ROBO2: variants seen among roughly 807,000 people sequenced by gnomAD.
ROBO2 encodes the protein roundabout homolog 2.
A neutral mutation model predicts 160.8 loss-of-function variants in ROBO2; 53 were observed. The observed-to-expected ratio is 0.33, with a 90% CI of 0.26 to 0.41. The LOEUF is 0.41. Ranked by LOEUF, ROBO2 falls within the 10% of genes least tolerant of loss-of-function variation. The pLI is 1.00. For missense variants in ROBO2, 1,577 were observed against 1,722.4 expected, an observed-to-expected ratio of 0.92 and a Z score of 1.49; for synonymous variants, 664 against 611.7, an observed-to-expected ratio of 1.09 and a Z score of -1.26.
chr3:76,248,638 T>C (rs1030154183), intron 2 of ROBO2, among the ~76,000 whole-genome samples: 1 of 144,500 alleles, frequency 6.9e-6, no homozygotes, highest in East Asian at 2.1e-4. Flanking sequence ...ACTTGAAGTA[T>C]AATAATAAAA....
intron 2 of ROBO2, among the ~76,000 whole-genome samples, chr3:76,285,831 C>A (rs963547053): frequency 6.6e-6 from 1 of 152,190 alleles, no homozygotes; most frequent in East Asian, 1.9e-4. Context: ...TCTCTATTTT[C>A]TTATTTCTTG....
At chr3:76,986,717 T>C (rs1419136027) in intron 2 of ROBO2, among the ~76,000 whole-genome samples, 1 of 152,184 alleles carries the variant, frequency 6.6e-6, no homozygotes, top group Admixed American at 6.5e-5. Context: ...TAGAAAAATA[T>C]GAAATAAAGT....
intron 2 of ROBO2, among the ~76,000 whole-genome samples, chr3:76,282,317 A>G (rs931065654): frequency 2.6e-5 from 4 of 151,986 alleles, no homozygotes; most frequent in African/African-American, 9.7e-5. Context: ...AATCATGGAG[A>G]TACAAATGAG....
At chr3:76,303,625 CAA>C (rs2071180269) in intron 2 of ROBO2, among the ~76,000 whole-genome samples, 1 of 151,796 alleles carries the variant, frequency 6.6e-6, no homozygotes, top group Non-Finnish European at 1.5e-5. Flanking sequence ...AAAGAGGGAG[CAA>C]AATATTAAAC....
chr3:76,926,508 A>G (rs1414486207), intron 2 of ROBO2, among the ~76,000 whole-genome samples: 2 of 152,176 alleles, frequency 1.3e-5, no homozygotes, highest in Non-Finnish European at 2.9e-5. Context: ...GTGGAAGTAT[A>G]TCGTCTCCTG....
intron 2 of ROBO2, among the ~76,000 whole-genome samples, chr3:76,768,186 T>C (rs1221369171): frequency 6.6e-6 from 1 of 151,474 alleles, no homozygotes; most frequent in African/African-American, 2.4e-5. Context: ...AATTTAACCT[T>C]AGTAATTTAA....
chr3:77,189,216 C>G (rs1223877225), intron 2 of ROBO2, among the ~76,000 whole-genome samples: 1 of 151,672 alleles, frequency 6.6e-6, no homozygotes, highest in African/African-American at 2.4e-5. Context: ...GATTATTGTA[C>G]TACTTTGTTT....
At chr3:77,634,347 G>T (rs1448453194) in intron 23 of ROBO2, 1 of 166,120 alleles carries the variant, frequency 6.0e-6, no homozygotes, top group East Asian at 1.6e-4. Flanking sequence ...AAGTGGTAAG[G>T]TCAATTTAAT....
chr3:76,169,927 C>T (rs979375761), intron 2 of ROBO2, among the ~76,000 whole-genome samples: 1 of 151,956 alleles, frequency 6.6e-6, no homozygotes, highest in Admixed American at 6.6e-5. Flanking sequence ...ACTACAGGCG[C>T]CCGCCACCAT....
intron 2 of ROBO2, among the ~76,000 whole-genome samples, chr3:77,450,975 C>G (rs1338240733): frequency 1.3e-5 from 2 of 152,056 alleles, no homozygotes; most frequent in Non-Finnish European, 1.5e-5. Context: ...AAAGCATGTT[C>G]CAAACACCCT....
intron 2 of ROBO2, among the ~76,000 whole-genome samples, chr3:76,483,250 T>C (rs1253353887): frequency 6.6e-6 from 1 of 152,232 alleles, no homozygotes; most frequent in African/African-American, 2.4e-5. Context: ...ATAACTCTTA[T>C]TACATTTGTA....
intron 2 of ROBO2, among the ~76,000 whole-genome samples, chr3:76,308,075 A>G (rs1354744474): frequency 2.0e-5 from 3 of 152,114 alleles, no homozygotes; most frequent in Non-Finnish European, 4.4e-5. Context: ...TACTAAATGC[A>G]GGAAAGAATT....
At chr3:77,026,274 T>C (rs758922566) in intron 2 of ROBO2, among the ~76,000 whole-genome samples, 1 of 152,180 alleles carries the variant, frequency 6.6e-6, no homozygotes, top group South Asian at 2.1e-4. Context: ...GATGCTAGTG[T>C]GCTGTTTGAA....
intron 8 of ROBO2, among the ~76,000 whole-genome samples, chr3:77,557,003 C>T (rs1298112790): frequency 1.3e-5 from 2 of 151,754 alleles, no homozygotes; most frequent in African/African-American, 4.8e-5. Context: ...AATCTTACCT[C>T]CGGTCAACTC....
chr3:76,172,230 T>C (rs1403251708), intron 2 of ROBO2, among the ~76,000 whole-genome samples: 1 of 146,144 alleles, frequency 6.8e-6, no homozygotes, highest in Non-Finnish European at 1.5e-5. Context: ...TAGGTGGGAA[T>C]TGAACAATGA....
chr3:77,570,953 A>T (rs2093623047), intron 13 of ROBO2, among the ~76,000 whole-genome samples: 1 of 152,064 alleles, frequency 6.6e-6, no homozygotes, highest in Admixed American at 6.6e-5. Flanking sequence ...AATAGTTAGC[A>T]ACAACTGCTT....
chr3:76,494,598 G>A (rs1176624393), intron 2 of ROBO2, among the ~76,000 whole-genome samples: 1 of 152,082 alleles, frequency 6.6e-6, no homozygotes, highest in East Asian at 1.9e-4. Flanking sequence ...TCCATATGGG[G>A]TTTTTATCTC....
chr3:77,050,321 A>T (rs1006202835), intron 1 of ROBO2, among the ~76,000 whole-genome samples: 2 of 151,640 alleles, frequency 1.3e-5, no homozygotes, highest in African/African-American at 2.4e-5. Flanking sequence ...TCTTAAGTAT[A>T]TAACCGTTTG....
intron 2 of ROBO2, among the ~76,000 whole-genome samples, chr3:76,518,468 CAA>C (rs2081446327): frequency 6.6e-6 from 1 of 151,916 alleles, no homozygotes; most frequent in South Asian, 2.1e-4. Context: ...CCAGCTGGGT[CAA>C]GTCTCTTTAA....
Sources: allele counts gnomAD v4.1 joint callset (sites outside exome capture counted in the v4.1 genomes callset), GRCh38; gene constraint gnomAD v4.1.1; transcripts MANE v1.5; gene names NCBI Gene and HGNC (gene_info 2026-07-23, HGNC 2026-07-21).